The following ARMH4 variants were observed in gnomAD, a reference collection of about 807,000 sequenced individuals.
The protein encoded by ARMH4 is armadillo-like helical domain-containing protein 4.
In ARMH4, 49 loss-of-function variants were observed where a neutral mutation model predicts 61.9. The ratio of observed to expected loss-of-function variants is 0.79; its 90% CI spans 0.63 to 1.00. ARMH4 has a LOEUF of 1.00. Ranked by LOEUF, ARMH4 falls within the 50% of genes least tolerant of loss-of-function variation. The pLI, the probability that ARMH4 is intolerant of heterozygous loss-of-function variation, is 0.00. For missense variants in ARMH4, 934 were observed against 930.0 expected, an observed-to-expected ratio of 1.00 and a Z score of -0.06; for synonymous variants, 368 against 341.5, an observed-to-expected ratio of 1.08 and a Z score of -0.85.
At chr14:58,056,492 G>A (rs1159873021) in intron 5 of ARMH4, among the ~76,000 whole-genome samples, 1 of 152,226 alleles carries the variant, frequency 6.6e-6, no homozygotes, top group East Asian at 1.9e-4. Flanking sequence ...GAGATGCACA[G>A]TGAAGAGATG....
At chr14:58,091,582 T>C (rs992189961) in intron 5 of ARMH4, among the ~76,000 whole-genome samples, 2 of 152,202 alleles carry the variant, frequency 1.3e-5, no homozygotes, top group African/African-American at 4.8e-5. Flanking sequence ...ATTAATTATA[T>C]TGGAAATAAA....
chr14:58,023,951 AAAACATGTTGT>A (rs1247428468), intron 5 of ARMH4, among the ~76,000 whole-genome samples: 1 of 152,202 alleles, frequency 6.6e-6, no homozygotes, highest in Non-Finnish European at 1.5e-5. Context: ...GATATTCAGT[AAAACATGTTGT>A]AAACAGATGT....
intron 4 of ARMH4, among the ~76,000 whole-genome samples, chr14:58,113,078 T>C (rs901589926): frequency 2.0e-5 from 3 of 152,184 alleles, no homozygotes; most frequent in East Asian, 1.9e-4. Context: ...TCACAACCCA[T>C]ATTCTTTTTT....
intron 4 of ARMH4, chr14:58,116,429 C>T (rs765550894): frequency 2.6e-5 from 10 of 389,004 alleles, no homozygotes; most frequent in South Asian, 1.9e-4. Flanking sequence ...AATTCCAACA[C>T]TTTGGGAGGC....
intron 5 of ARMH4, among the ~76,000 whole-genome samples, chr14:58,060,654 T>G (rs1884499934): frequency 6.6e-6 from 1 of 152,066 alleles, no homozygotes; most frequent in South Asian, 2.1e-4. Flanking sequence ...GTTGTAAAAA[T>G]AAGACAACCA....
intron 5 of ARMH4, among the ~76,000 whole-genome samples, chr14:58,021,438 C>T (rs1001855748): frequency 4.6e-5 from 7 of 152,280 alleles, no homozygotes; most frequent in Admixed American, 1.3e-4. Context: ...GTGAGGCCTC[C>T]GCAGCCATGT....
intron 5 of ARMH4, among the ~76,000 whole-genome samples, chr14:58,046,330 G>A (rs182133553): frequency 3.2e-4 from 49 of 152,196 alleles, no homozygotes; most frequent in African/African-American, 1.2e-3. Flanking sequence ...TTGTTCTGAG[G>A]GGACAATTTG....
intron 4 of ARMH4, among the ~76,000 whole-genome samples, chr14:58,115,495 C>T (rs1886488063): frequency 6.6e-6 from 1 of 151,982 alleles, no homozygotes; most frequent in African/African-American, 2.4e-5. Flanking sequence ...TAATTCAGCC[C>T]CTGTGGAAAG....
intron 5 of ARMH4, among the ~76,000 whole-genome samples, chr14:58,080,013 C>G (rs1162769478): frequency 6.6e-6 from 1 of 152,050 alleles, no homozygotes; most frequent in Non-Finnish European, 1.5e-5. Context: ...CATAGTTCAC[C>G]CTCATTGCTC....
chr14:58,131,920 T>C (rs576585997), intron 3 of ARMH4, among the ~76,000 whole-genome samples, 199 bp from the exon 4 acceptor site: 47 of 152,370 alleles, frequency 3.1e-4, no homozygotes, highest in African/African-American at 1.0e-3. Flanking sequence ...AAATGTATTG[T>C]CTTACAGGAA....
At chr14:58,105,437 A>G (rs1327016973) in intron 4 of ARMH4, among the ~76,000 whole-genome samples, 1 of 152,096 alleles carries the variant, frequency 6.6e-6, no homozygotes, top group East Asian at 1.9e-4. Flanking sequence ...TGTAATCCCA[A>G]CACTTTGGGA....
intron 5 of ARMH4, among the ~76,000 whole-genome samples, chr14:58,042,627 C>CA (rs1188139089): frequency 3.9e-5 from 6 of 151,918 alleles, no homozygotes; most frequent in Non-Finnish European, 7.4e-5. Flanking sequence ...GATAGAGACA[C>CA]AAAAAAACCT....
In ARMH4 at chr14:58,096,817, G is replaced by C; in HGVS notation, c.1996C>G (p.Pro666Ala). Residue 666 changes from proline to alanine, a missense_variant, in exon 5 of 8, where the codon CCA becomes GCA. Coordinates refer to ENST00000267485, the MANE Select transcript of ARMH4 (RefSeq NM_001001872.4). The stretch of plus-strand genomic sequence containing the variant: ...TCCATGTTTCCCTCCTCTAAGCCTG[G>C]TTCCTGGGATGTGATACCAGGGAGG... ...FTLPGITSQEPGLEEGNMDLL... is the reference protein window; with the variant it reads ...FTLPGITSQEAGLEEGNMDLL... The C allele has an allele frequency of 6.2e-7, 1 of 1,614,058 alleles. No individual in the cohort carries two copies. The highest frequency in any genetic ancestry group is 8.5e-7 in the Non-Finnish European group (1 of 1,180,016).
In ARMH4 at chr14:58,076,535, C is replaced by CTT. The variant is rs1383092113; in HGVS notation, c.2089+20187_2089+20188dup. On this transcript the variant is annotated intron_variant, in intron 5 of 7. Transcript: ENST00000267485. ...AATGCAGTAGCAGATCCCAAACTTG[C>CTT]TTAAAACCTCACCCATATTCTTAGG... Among the ~76,000 whole-genome samples the CTT allele has an allele frequency of 5.3e-3, 813 of 152,318 alleles. 10 individuals are homozygous for CTT. Among genetic ancestry groups the CTT allele is most frequent in the African/African-American group, 0.019 (771 of 41,560 alleles).
chr14:58,021,336 T>C (rs549021411), intron 5 of ARMH4, among the ~76,000 whole-genome samples: 1 of 152,312 alleles, frequency 6.6e-6, no homozygotes, highest in African/African-American at 2.4e-5. Context: ...ACAAGATCTG[T>C]TGGTTTTATA....
intron 5 of ARMH4, among the ~76,000 whole-genome samples, chr14:58,079,397 C>A (rs1272917925): frequency 1.3e-5 from 2 of 152,122 alleles, no homozygotes; most frequent in East Asian, 3.9e-4. Flanking sequence ...GGTTGCACTC[C>A]CGCTTTTTAC....
intron 5 of ARMH4, among the ~76,000 whole-genome samples, chr14:58,075,076 C>G (rs969499693): frequency 6.6e-6 from 1 of 152,044 alleles, no homozygotes; most frequent in Non-Finnish European, 1.5e-5. Flanking sequence ...GTTAGAATGG[C>G]GATCATTAAA....
chr14:58,051,832 T>C (rs1269770381), intron 5 of ARMH4, among the ~76,000 whole-genome samples: 1 of 152,184 alleles, frequency 6.6e-6, no homozygotes, highest in African/African-American at 2.4e-5. Flanking sequence ...AAGGTGACAG[T>C]GGCATGCTGC....
chr14:58,101,843 T>TA (rs1449431319), intron 4 of ARMH4, among the ~76,000 whole-genome samples: 151 of 152,222 alleles, frequency 9.9e-4, no homozygotes, highest in African/African-American at 3.4e-3. Flanking sequence ...GAAACTGTTT[T>TA]AAAATACGTT....
Sources: allele counts gnomAD v4.1 joint callset (sites outside exome capture counted in the v4.1 genomes callset), GRCh38; gene constraint gnomAD v4.1.1; transcripts MANE v1.5; gene names NCBI Gene and HGNC (gene_info 2026-07-23, HGNC 2026-07-21).